Variants in SLC38A9 observed in about 807,000 individuals in gnomAD.
SLC38A9 encodes neutral amino acid transporter 9.
SLC38A9 carries 48 observed loss-of-function variants against 62.3 expected under a neutral mutation model. The observed-to-expected ratio is 0.77, with a 90% CI of 0.61 to 0.98. The LOEUF is 0.98. Among genes scored for constraint, SLC38A9 ranks in the 50% least tolerant of loss-of-function variants. The pLI is 0.00. For synonymous variants in SLC38A9, 204 were observed against 227.7 expected (o/e 0.90, Z 0.94); for missense variants, 541 against 679.8 (o/e 0.80, Z 2.27).
At chr5:55,663,266 T>A (rs1183403417) in intron 8 of SLC38A9, among the ~76,000 whole-genome samples, 2 of 112,948 alleles carry the variant, frequency 1.8e-5, no homozygotes, top group Non-Finnish European at 3.3e-5. Context: ...TAGAAACTAG[T>A]CTGGGCAACA....
At chr5:55,692,938 CAT>C (rs1404057034) in intron 3 of SLC38A9, 47 of 980,670 alleles carry the variant, frequency 4.8e-5, no homozygotes, top group Middle Eastern at 5.2e-4. Context: ...ATAAATTTCT[CAT>C]GTGATAAATT....
At chr5:55,695,327 C>T (rs907451356) in intron 3 of SLC38A9, among the ~76,000 whole-genome samples, 14 of 120,470 alleles carry the variant, frequency 1.2e-4, no homozygotes, top group African/African-American at 3.8e-4. Flanking sequence ...GGGGATTTGG[C>T]AGGGTCATAG....
intron 8 of SLC38A9, among the ~76,000 whole-genome samples, chr5:55,657,088 C>T (rs182460349): frequency 1.3e-5 from 2 of 152,262 alleles, no homozygotes; most frequent in East Asian, 3.9e-4. Flanking sequence ...GTCTCGATCT[C>T]CTGACTTCGT....
rs953119924 is a variant in SLC38A9, at chr5:55,652,602, A to T, written c.879T>A (p.Phe293Leu). The change falls in exon 10 of 16, where the codon TTT (phenylalanine) becomes TTA (leucine). Residue 293 changes from phenylalanine to leucine, a missense_variant. By Grantham distance (22) the Phe-to-Leu change is conservative (BLOSUM62 0). Transcript: ENST00000396865. Reference protein sequence around the residue: ...KWWDKSRTVPFYLVGLLLPLL... With the variant: ...KWWDKSRTVPLYLVGLLLPLL... ...GTGGGAGGAGGAGCCCTACAAGATA[A>T]AAGGGGACTGTCCTGGACTTATCCC... 10 of 1,613,078 alleles carry T rather than the reference A, an allele frequency of 6.2e-6. No individual in the cohort carries two copies. The South Asian group carries it at 8.8e-5, about 14-fold the overall frequency.
chr5:55,666,869 G>T (rs916215006), intron 7 of SLC38A9, among the ~76,000 whole-genome samples: 3 of 140,854 alleles, frequency 2.1e-5, no homozygotes, highest in Non-Finnish European at 4.5e-5. Flanking sequence ...CAAAAAATTA[G>T]CCGGGCGTGG....
intron 3 of SLC38A9, among the ~76,000 whole-genome samples, chr5:55,680,306 T>C (rs924322563): frequency 1.3e-5 from 2 of 152,182 alleles, no homozygotes; most frequent in African/African-American, 4.8e-5. Context: ...CTTAAACAGA[T>C]CACCAAAGAA....
rs1748498901 is a variant in SLC38A9, at chr5:55,656,748, CTG to C, written c.722_723del (p.Thr241ArgfsTer8). Reference sequence around the variant, plus strand: ...CTATTATTGGTACTCAGTATAGTGTCTGTGTCATTAATGTGATGAATAAAATC... The same window carrying C: ...CTATTATTGGTACTCAGTATAGTGTCTGTCATTAATGTGATGAATAAAATC... ...IFNFIHHIND[T>X]DTILSTNNSN... On this transcript the variant is annotated frameshift_variant, in exon 9 of 16. Transcript: ENST00000396865. LOFTEE classifies it high-confidence loss of function. 6.3e-7 allele frequency: 1 copy of C among 1,588,888 alleles called. No homozygotes were observed. Among genetic ancestry groups the C allele is most frequent in the Non-Finnish European group, 8.6e-7 (1 of 1,162,868 alleles).
At chr5:55,633,691 TG>T in intron 14 of SLC38A9, 62 bp downstream of exon 14, 1 of 1,607,234 alleles carries the variant, frequency 6.2e-7, no homozygotes, top group East Asian at 2.2e-5. Flanking sequence ...CACTTTAAAC[TG>T]ACCTGCTTGC....
chr5:55,638,828 T>A (rs1360394026), intron 12 of SLC38A9, among the ~76,000 whole-genome samples: 1 of 151,978 alleles, frequency 6.6e-6, no homozygotes, highest in African/African-American at 2.4e-5. Flanking sequence ...CAAAGCAGGG[T>A]AATACAACTA....
intron 3 of SLC38A9, among the ~76,000 whole-genome samples, chr5:55,681,089 GAAGTAT>G (rs560624911): frequency 1.3e-5 from 2 of 152,210 alleles, no homozygotes; most frequent in Non-Finnish European, 2.9e-5. Context: ...ATTGCTAGTA[GAAGTAT>G]AAGTTGGCAC....
At chr5:55,676,361 T>A (rs895953946) in intron 3 of SLC38A9, among the ~76,000 whole-genome samples, 9 of 152,082 alleles carry the variant, frequency 5.9e-5, no homozygotes, top group Non-Finnish European at 1.3e-4. Context: ...AATTTTTTTA[T>A]AGAGACAGGG....
chr5:55,710,270 T>C (rs943275454), intron 2 of SLC38A9, among the ~76,000 whole-genome samples: 1 of 151,248 alleles, frequency 6.6e-6, no homozygotes, highest in Non-Finnish European at 1.5e-5. Flanking sequence ...TGGTGCAGTC[T>C]TGGCTCACTG....
At position 55,697,986 on chromosome 5, in the gene SLC38A9, G is replaced by A; in HGVS notation, c.-28C>T. On this transcript the variant is annotated 5_prime_UTR_variant, in exon 3 of 16. Coordinates refer to ENST00000396865, the MANE Select transcript of SLC38A9 (RefSeq NM_173514.4). ...TTCTCACACTCTAAGCACTGAAGAA[G>A]TTAGTCCTACACAAAGAAGATAAAT... 8.7e-7 allele frequency: 1 copy of A among 1,145,268 alleles called. No homozygotes were observed. The highest frequency in any genetic ancestry group is 1.3e-6 in the Non-Finnish European group (1 of 777,624). 70.9% of individuals were successfully genotyped at this position (1,145,268 alleles called of 1,614,324 possible). A position where few individuals can be genotyped will look rare whatever the true frequency, so the allele number is the denominator to read the frequency against.
At chr5:55,655,944 A>C (rs555464862) in intron 9 of SLC38A9, among the ~76,000 whole-genome samples, 2 of 152,308 alleles carry the variant, frequency 1.3e-5, no homozygotes, top group Admixed American at 6.5e-5. Context: ...TTTTAAAAAT[A>C]AAGAAAAATT....
intron 3 of SLC38A9, among the ~76,000 whole-genome samples, chr5:55,686,104 T>C (rs1192017137): frequency 1.3e-5 from 2 of 152,210 alleles, no homozygotes; most frequent in Non-Finnish European, 2.9e-5. Flanking sequence ...CATGTATCTT[T>C]ATAATATAAC....
At chr5:55,695,047 G>A (rs114113122) in intron 3 of SLC38A9, among the ~76,000 whole-genome samples, 1,576 of 152,208 alleles carry the variant, frequency 0.01, 24 homozygotes, top group African/African-American at 0.036. Flanking sequence ...GCCACCGTGC[G>A]TGGCCCAAGA....
chr5:55,632,546 G>A (rs1386865012), intron 14 of SLC38A9, among the ~76,000 whole-genome samples: 1 of 152,100 alleles, frequency 6.6e-6, no homozygotes, highest in East Asian at 1.9e-4. Context: ...GAAAGCCTCA[G>A]AAACAAAAGT....
intron 3 of SLC38A9, chr5:55,672,931 A>G (rs1031269253): frequency 2.5e-5 from 10 of 392,506 alleles, no homozygotes; most frequent in Non-Finnish European, 4.1e-5. Flanking sequence ...TGTAATCTTC[A>G]GGAATTTAGC....
chr5:55,632,930 C>T (rs574493179), intron 14 of SLC38A9, among the ~76,000 whole-genome samples: 1 of 152,232 alleles, frequency 6.6e-6, no homozygotes, highest in Admixed American at 6.5e-5. Context: ...GACAATTTCC[C>T]CTGTATCTTT....
Sources: gnomAD v4.1 joint callset for allele counts (sites outside exome capture counted in the v4.1 genomes callset) on GRCh38, gnomAD v4.1.1 for gene constraint, MANE v1.5 for transcripts, NCBI Gene and HGNC (gene_info 2026-07-23, HGNC 2026-07-21) for gene names.